The following GPHN variants were observed in gnomAD, a reference collection of about 807,000 sequenced individuals.
The protein encoded by GPHN is gephyrin.
GPHN carries 17 observed loss-of-function variants against 95.5 expected under a neutral mutation model. The ratio of observed to expected loss-of-function variants is 0.18; its 90% CI spans 0.12 to 0.27. GPHN has a LOEUF of 0.27. Among genes scored for constraint, GPHN ranks in the 10% least tolerant of loss-of-function variants. GPHN has a pLI of 1.00. For missense variants in GPHN, 660 were observed against 978.1 expected (o/e 0.67, Z 4.34); for synonymous variants, 320 against 322.5 (o/e 0.99, Z 0.08).
intron 12 of GPHN, among the ~76,000 whole-genome samples, chr14:67,095,680 CA>C (rs1456641082): frequency 1.3e-5 from 2 of 151,478 alleles, no homozygotes; most frequent in African/African-American, 4.9e-5. Flanking sequence ...ATCGCAAGGA[CA>C]AAAAACCAAA....
the GPHN span, chr14:67,340,563 T>C: frequency 6.7e-7 from 1 of 1,485,764 alleles, no homozygotes; most frequent in Non-Finnish European, 9.4e-7. Flanking sequence ...TTCAAACCCC[T>C]TTTTTCAAAT....
the GPHN span, chr14:67,729,177 CCT>C: frequency 1.2e-6 from 2 of 1,612,562 alleles, no homozygotes; most frequent in East Asian, 4.5e-5. Flanking sequence ...CTAATTGTGC[CCT>C]CTTTGTCCCA....
chr14:67,322,441 C>T, the GPHN span, among the ~76,000 whole-genome samples: 1 of 152,178 alleles, frequency 6.6e-6, no homozygotes, highest in African/African-American at 2.4e-5. Flanking sequence ...GTAGACCATA[C>T]AGCTTTAGCA....
At chr14:66,661,148 G>T (rs909053958) in intron 1 of GPHN, among the ~76,000 whole-genome samples, 2 of 152,154 alleles carry the variant, frequency 1.3e-5, no homozygotes, top group East Asian at 1.9e-4. Context: ...AATCCAGGGG[G>T]CTAAGAAGCA....
At chr14:67,574,259 A>G in the GPHN span, 3 of 1,605,692 alleles carry the variant, frequency 1.9e-6, no homozygotes, top group Admixed American at 5.1e-5. This position sits in a 1 kb window ranked among gnomAD's most constrained non-coding sequence, Gnocchi z 4.2. Flanking sequence ...CTGAGAAGAA[A>G]ACCTACTACC....
At chr14:67,226,986 A>C in the GPHN span, among the ~76,000 whole-genome samples, 16 of 152,266 alleles carry the variant, frequency 1.1e-4, no homozygotes, top group East Asian at 2.9e-3. Context: ...AAAGAGAGAA[A>C]TTTCTTTCAA....
At chr14:67,202,499 G>T in the GPHN span, among the ~76,000 whole-genome samples, 1 of 151,872 alleles carries the variant, frequency 6.6e-6, no homozygotes. Context: ...CTAAAATAAG[G>T]GCAATAAATA....
At chr14:67,174,089 A>G (rs981082383) in intron 21 of GPHN, among the ~76,000 whole-genome samples, 1 of 152,224 alleles carries the variant, frequency 6.6e-6, no homozygotes, top group African/African-American at 2.4e-5. Context: ...TTTTTTTATT[A>G]TACTTTAACT....
chr14:66,708,752 A>G (rs2153420726), intron 2 of GPHN, among the ~76,000 whole-genome samples: 1 of 152,192 alleles, frequency 6.6e-6, no homozygotes, highest in Admixed American at 6.6e-5. Flanking sequence ...TAAAATAAGT[A>G]TTTCTAGTTA....
At chr14:67,078,813 G>A (rs1484932735) in intron 11 of GPHN, among the ~76,000 whole-genome samples, 2 of 152,034 alleles carry the variant, frequency 1.3e-5, no homozygotes, top group African/African-American at 2.4e-5. Context: ...ATCTGCTGCC[G>A]ACTGGGAGCC....
At chr14:67,691,290 A>G in the GPHN span, 2 of 1,363,606 alleles carry the variant, frequency 1.5e-6, no homozygotes, top group Non-Finnish European at 1.0e-6. Context: ...AGCCAAGGCT[A>G]TTACATCTTA....
chr14:66,929,432 G>A (rs1477271493), intron 8 of GPHN, among the ~76,000 whole-genome samples: 2 of 151,790 alleles, frequency 1.3e-5, no homozygotes, highest in African/African-American at 4.8e-5. Flanking sequence ...GGCATATTAG[G>A]GTCTGTCTCT....
Position 67,103,511 on chromosome 14 carries a change from CTTTTTTT to C in GPHN, c.1293+2620_1293+2626del. Among the ~76,000 whole-genome samples the C allele has an allele frequency of 2.6e-3, 141 of 53,398 alleles. 2 individuals are homozygous for C. The highest frequency in any genetic ancestry group is 0.019 in the Middle Eastern group (1 of 54). The allele number at this position is 53,398 out of a possible 152,430, so 35.0% of individuals were successfully genotyped here. ...ACGACATGGGATGCTGTTTCTTTCT[CTTTTTTT>C]TTTTTTTTTTTTTTTTTTTGTGGCC... On this transcript the variant is annotated intron_variant, in intron 13 of 22. Coordinates refer to ENST00000478722, the MANE Select transcript of GPHN (RefSeq NM_020806.5).
chr14:67,513,145 C>A, the GPHN span, among the ~76,000 whole-genome samples: 1 of 152,158 alleles, frequency 6.6e-6, no homozygotes, highest in African/African-American at 2.4e-5. Flanking sequence ...ATCTTAAGGT[C>A]AGTACATTTG....
At chr14:66,746,501 A>T (rs2058155596) in intron 2 of GPHN, among the ~76,000 whole-genome samples, 1 of 152,156 alleles carries the variant, frequency 6.6e-6, no homozygotes, top group Non-Finnish European at 1.5e-5. Flanking sequence ...CTCTGGGACC[A>T]GCTTGTAGAT....
chr14:66,525,278 G>C (rs1324746164), intron 1 of GPHN, among the ~76,000 whole-genome samples: 1 of 152,146 alleles, frequency 6.6e-6, no homozygotes, highest in Non-Finnish European at 1.5e-5. Flanking sequence ...ATGTGTGTTG[G>C]CTGCATAAAT....
At chr14:67,660,594 C>G in the GPHN span, among the ~76,000 whole-genome samples, 1 of 152,196 alleles carries the variant, frequency 6.6e-6, no homozygotes, top group Admixed American at 6.5e-5. Context: ...TCCTGCTCCT[C>G]TTTCTGAAAA....
intron 1 of GPHN, among the ~76,000 whole-genome samples, chr14:66,573,468 T>C (rs549334345): frequency 0.012 from 1,745 of 150,698 alleles, 22 homozygotes; most frequent in Non-Finnish European, 0.017. Context: ...TTTTTTTTTT[T>C]CTGAGACGGA....
At chr14:66,934,951 T>C (rs1401822928) in intron 8 of GPHN, among the ~76,000 whole-genome samples, 2 of 152,122 alleles carry the variant, frequency 1.3e-5, no homozygotes, top group Non-Finnish European at 2.9e-5. Context: ...ATGACTAAAA[T>C]GTATCAAATA....
Sources: gnomAD v4.1 joint callset for allele counts (sites outside exome capture counted in the v4.1 genomes callset) on GRCh38, gnomAD v4.1.1 for gene constraint, Gnocchi (gnomAD v3.1) non-coding constraint, MANE v1.5 for transcripts, NCBI Gene and HGNC (gene_info 2026-07-23, HGNC 2026-07-21) for gene names.